Variants in ATP13A4 observed in about 807,000 individuals in gnomAD.
The protein encoded by ATP13A4 is probable cation-transporting ATPase 13A4.
ATP13A4 carries 114 observed loss-of-function variants against 142.5 expected under a neutral mutation model. The ratio of observed to expected loss-of-function variants is 0.80; its 90% CI spans 0.69 to 0.93. The LOEUF is 0.93. Ranked by LOEUF, ATP13A4 falls within the 40% of genes least tolerant of loss-of-function variation. The pLI is 0.00. For synonymous variants in ATP13A4, 488 were observed against 514.8 expected (o/e 0.95, Z 0.70); for missense variants, 1,392 against 1,454.0 (o/e 0.96, Z 0.69).
At chr3:193,444,744 T>C (rs73078993) in intron 18 of ATP13A4, among the ~76,000 whole-genome samples, 4,643 of 152,294 alleles carry the variant, frequency 0.03, 236 homozygotes, top group African/African-American at 0.1. Context: ...GAGCAACCAT[T>C]AAAAATTAAT....
chr3:193,520,531 ACT>A (rs1290378001), intron 1 of ATP13A4, among the ~76,000 whole-genome samples: 1 of 152,082 alleles, frequency 6.6e-6, no homozygotes, highest in African/African-American at 2.4e-5. Flanking sequence ...AGTTTTACAA[ACT>A]CTCTGTCTTC....
rs138345733 is a variant in ATP13A4 at position 193,500,195 on chromosome 3, C to T, written c.381+2298G>A. ...CAATTAGGAAACCAAGTATCTGCTG[C>T]GGGGTGAATTTCATCTTTCTGCTCA... On this transcript the variant is annotated intron_variant, in intron 3 of 29. Transcript: ENST00000342695. Among the ~76,000 whole-genome samples, 961 of 152,254 alleles carry T rather than the reference C, an allele frequency of 6.3e-3. 3 individuals are homozygous for T. The highest frequency in any genetic ancestry group is 8.8e-3 in the Non-Finnish European group (596 of 68,016).
intron 2 of ATP13A4, among the ~76,000 whole-genome samples, chr3:193,580,355 C>A (rs1255523280): frequency 6.6e-6 from 1 of 152,074 alleles, no homozygotes; most frequent in Non-Finnish European, 1.5e-5. Flanking sequence ...CAGGATATAG[C>A]CTCAACTTGG....
intron 1 of ATP13A4, among the ~76,000 whole-genome samples, 200 bp from the exon 2 acceptor site, chr3:193,515,071 T>A (rs1012027564): frequency 6.6e-6 from 1 of 152,088 alleles, no homozygotes; most frequent in Non-Finnish European, 1.5e-5. Flanking sequence ...AGCAAGGAAG[T>A]CACAGTCTAA....
intron 2 of ATP13A4, among the ~76,000 whole-genome samples, chr3:193,573,260 CAT>C (rs373692119): frequency 0.016 from 1,227 of 78,786 alleles, 37 homozygotes; most frequent in African/African-American, 0.065. Context: ...ATACCACAGC[CAT>C]ATATATATAT....
intron 2 of ATP13A4, among the ~76,000 whole-genome samples, chr3:193,568,203 T>C (rs1724182770): frequency 1.3e-5 from 2 of 152,124 alleles, no homozygotes; most frequent in South Asian, 4.2e-4. Flanking sequence ...TCAGGTGATC[T>C]GCCTGCCTCA....
intron 8 of ATP13A4, among the ~76,000 whole-genome samples, chr3:193,477,725 T>C (rs937090054): frequency 2.0e-5 from 3 of 151,964 alleles, no homozygotes; most frequent in Admixed American, 1.3e-4. Context: ...ACTACTGAGT[T>C]CAGAACACAA....
chr3:193,584,972 C>G (rs1724640653), intron 1 of ATP13A4, among the ~76,000 whole-genome samples: 2 of 152,170 alleles, frequency 1.3e-5, no homozygotes, highest in African/African-American at 4.8e-5. Context: ...TCCCCACTCT[C>G]CATATCTATT....
In ATP13A4 at chr3:193,578,038, T is replaced by C. The variant is rs975384402; in HGVS notation, n.291+3669A>G. Among the ~76,000 whole-genome samples, 6 of 152,188 alleles carry C rather than the reference T, an allele frequency of 3.9e-5. No homozygotes were observed. The South Asian group carries it at 6.2e-4, about 16-fold the overall frequency. ...GGCTAGGTGCGGTGGCTCACTCTTA[T>C]AATCCCAGCACTTGGGAGGCTGAGG... On this transcript the variant is annotated intron_variant and non_coding_transcript_variant, in intron 2 of 3. Coordinates refer to the ATP13A4 transcript ENST00000489140.
intron 24 of ATP13A4, 41 bp from the exon 25 acceptor site, chr3:193,433,958 T>C (rs934888397): frequency 6.8e-7 from 1 of 1,468,974 alleles, no homozygotes; most frequent in African/African-American, 1.4e-5. Flanking sequence ...GTTGTGACCT[T>C]CTGGATGAAA....
intron 1 of ATP13A4, among the ~76,000 whole-genome samples, chr3:193,536,001 C>T (rs1722572510): frequency 6.6e-6 from 1 of 151,510 alleles, no homozygotes; most frequent in South Asian, 2.1e-4. Context: ...CCTAAATTTT[C>T]AAAGAAGAAA....
chr3:193,486,123 T>C (rs1217330980), intron 7 of ATP13A4, among the ~76,000 whole-genome samples: 3 of 151,110 alleles, frequency 2.0e-5, no homozygotes, highest in Admixed American at 6.6e-5. Flanking sequence ...TGAGTTTTAA[T>C]TCTTAATTTG....
intron 2 of ATP13A4, among the ~76,000 whole-genome samples, chr3:193,572,768 T>C (rs1033213800): frequency 1.3e-5 from 2 of 151,938 alleles, no homozygotes; most frequent in Non-Finnish European, 2.9e-5. Context: ...ATGCACGTGA[T>C]GGAACCAGCT....
At chr3:193,499,679 A>G (rs1720430050) in intron 3 of ATP13A4, among the ~76,000 whole-genome samples, 1 of 152,224 alleles carries the variant, frequency 6.6e-6, no homozygotes, top group Non-Finnish European at 1.5e-5. Flanking sequence ...AGCTGTATAA[A>G]GTGATGGCTA....
At chr3:193,526,966 A>G (rs1011517713) in intron 1 of ATP13A4, among the ~76,000 whole-genome samples, 10 of 152,190 alleles carry the variant, frequency 6.6e-5, no homozygotes, top group African/African-American at 2.2e-4. Flanking sequence ...ACATACTCTC[A>G]AATGATTGAG....
At chr3:193,422,791 A>G (rs528811722) in intron 25 of ATP13A4, among the ~76,000 whole-genome samples, 1 of 149,932 alleles carries the variant, frequency 6.7e-6, no homozygotes, top group South Asian at 2.1e-4. Context: ...AATAACAAAC[A>G]ACAACCTAAT....
intron 8 of ATP13A4, among the ~76,000 whole-genome samples, chr3:193,478,941 C>T (rs1219337562): frequency 3.3e-5 from 5 of 152,102 alleles, no homozygotes; most frequent in Non-Finnish European, 5.9e-5. Context: ...GGTTTCATAC[C>T]AAGAATGCAG....
intron 17 of ATP13A4, among the ~76,000 whole-genome samples, chr3:193,449,366 G>A (rs1278591182): frequency 6.6e-6 from 1 of 152,124 alleles, no homozygotes; most frequent in East Asian, 1.9e-4. Flanking sequence ...GATGAAAGTG[G>A]CACCCACTCA....
At chr3:193,490,983 C>G (rs73063909) in intron 6 of ATP13A4, among the ~76,000 whole-genome samples, 1,722 of 152,156 alleles carry the variant, frequency 0.011, 33 homozygotes, top group African/African-American at 0.04. Flanking sequence ...GAAATTGTAT[C>G]TGTTACCTAA....
Sources: gnomAD v4.1 joint callset for allele counts (sites outside exome capture counted in the v4.1 genomes callset) on GRCh38, gnomAD v4.1.1 for gene constraint, MANE v1.5 for transcripts, NCBI Gene and HGNC (gene_info 2026-07-23, HGNC 2026-07-21) for gene names.